Variants in PNPLA8 observed in about 807,000 individuals in gnomAD.
PNPLA8 encodes patatin like domain 8, phospholipase A2.
In PNPLA8, 39 loss-of-function variants were observed where a neutral mutation model predicts 76.9. The ratio of observed to expected loss-of-function variants is 0.51; its 90% confidence interval spans 0.39 to 0.66. PNPLA8 has a LOEUF of 0.66. Ranked by LOEUF, PNPLA8 falls within the 30% of genes least tolerant of loss-of-function variation. The pLI, the probability that PNPLA8 is intolerant of heterozygous loss-of-function variation, is 0.00. For synonymous variants in PNPLA8, 301 were observed against 307.9 expected, an observed-to-expected ratio of 0.98 and a Z score of 0.24; for missense variants, 887 against 918.0, an observed-to-expected ratio of 0.97 and a Z score of 0.44.
chr7:108,520,649 C>G (rs1352558020), intron 2 of PNPLA8, among the ~76,000 whole-genome samples: 1 of 151,728 alleles, frequency 6.6e-6, no homozygotes, highest in East Asian at 1.9e-4. Flanking sequence ...TTCTAAATAC[C>G]GATTTGATCA....
chr7:108,479,763 T>A (rs1860264626), intron 9 of PNPLA8, among the ~76,000 whole-genome samples: 1 of 152,174 alleles, frequency 6.6e-6, no homozygotes, highest in South Asian at 2.1e-4. Context: ...CTCTCACAAG[T>A]CAAATAAAAC....
At position 108,470,631 on chromosome 7, in the gene PNPLA8, T is replaced by C. The variant is rs1859578034; in HGVS notation, c.*1770A>G. The C allele has an allele frequency of 2.0e-5, 3 of 152,208 alleles. No homozygotes were observed. The highest frequency in any genetic ancestry group is 2.0e-4 in the Admixed American group (3 of 15,284). The allele number at this position is 152,208 out of a possible 1,614,324, so 9.4% of individuals were successfully genotyped here. A position where few individuals can be genotyped will look rare whatever the true frequency, so the allele number is the denominator to read the frequency against. On this transcript the variant is annotated 3_prime_UTR_variant, in exon 11 of 11. Coordinates refer to ENST00000257694, the MANE Select transcript of PNPLA8 (RefSeq NM_001256007.3). ...AAGAATTCCCAGAAATATTCTGATT[T>C]CCAATTATTTGTTTTTTTCTTGCAT...
Position 108,472,328 on chromosome 7 carries a change from C to T in PNPLA8, c.*73G>A. The T allele has an allele frequency of 1.9e-6, 2 of 1,074,722 alleles. No individual in the cohort carries two copies. Among genetic ancestry groups the T allele is most frequent in the Non-Finnish European group, 2.7e-6 (2 of 746,564 alleles). 66.6% of individuals were successfully genotyped at this position (1,074,722 alleles called of 1,614,324 possible). ...ATTTCAAAGTTAACTCATGTCGAACCCCACAATTCCTTATTGAATGTGGTT... is the reference window on the plus strand; with the variant it reads ...ATTTCAAAGTTAACTCATGTCGAACTCCACAATTCCTTATTGAATGTGGTT... On this transcript the variant is annotated 3_prime_UTR_variant, in exon 11 of 11. Coordinates refer to ENST00000257694, the MANE Select transcript of PNPLA8 (RefSeq NM_001256007.3).
intron 7 of PNPLA8, among the ~76,000 whole-genome samples, chr7:108,494,637 TG>T (rs1563952710): frequency 6.6e-6 from 1 of 152,216 alleles, no homozygotes; most frequent in African/African-American, 2.4e-5. Flanking sequence ...GTTGATTCCA[TG>T]TATCTGCCAT....
At position 108,515,131 on chromosome 7, in the gene PNPLA8, C is replaced by G; in HGVS notation, c.361G>C (p.Glu121Gln). ...AATTGAGCTAAACGTGAAATCATTT[C>G]ATTTTGATTGCCAAAAACAGCCTTT... is the stretch of plus-strand genomic sequence containing the variant. The part of the protein sequence containing the change: ...VSKAVFGNQN[E>Q]MISRLAQFKP... The change falls in exon 3 of 11, where the codon GAA becomes CAA. Residue 121 changes from glutamate (E) to glutamine (Q), a missense_variant. By Grantham distance (29) the Glu-to-Gln change is conservative. Coordinates refer to ENST00000257694, the MANE Select transcript of PNPLA8 (RefSeq NM_001256007.3). The G allele has an allele frequency of 1.2e-6, 2 of 1,605,978 alleles. No homozygotes were observed. Among genetic ancestry groups the G allele is most frequent in the Non-Finnish European group, 1.7e-6 (2 of 1,176,000 alleles).
chr7:108,500,844 G>A (rs1861884849), intron 5 of PNPLA8, among the ~76,000 whole-genome samples: 1 of 151,986 alleles, frequency 6.6e-6, no homozygotes, highest in South Asian at 2.1e-4. Context: ...AACCTGGGAG[G>A]TGGAGGTTGC....
At chr7:108,499,863 T>C (rs1442722569) in intron 5 of PNPLA8, among the ~76,000 whole-genome samples, 1 of 152,208 alleles carries the variant, frequency 6.6e-6, no homozygotes, top group Non-Finnish European at 1.5e-5. Flanking sequence ...TTCTTTTTCA[T>C]CATGCTTGTC....
Position 108,515,406 on chromosome 7 carries a change from A to T in PNPLA8, c.86T>A (p.Leu29Gln), listed in dbSNP as rs1319463208. 3.7e-6 allele frequency: 6 copies of T among 1,611,658 alleles called. No homozygotes were observed. The highest frequency in any genetic ancestry group is 1.7e-5 in the Admixed American group (1 of 59,508). ...SVCGKQRSKQ[L>Q]YFLFSPKHYW... ...ATGCTTAGGTGAGAACAAGAAATAC[A>T]GTTGCTTGCTTCTCTGCTTCCCACA... The change falls in exon 3 of 11, where the codon CTG (leucine) becomes CAG (glutamine). Residue 29 changes from leucine (L) to glutamine (Q), a missense_variant. Leu to Gln is a moderately radical substitution (Grantham distance 113). Coordinates refer to ENST00000257694, the MANE Select transcript of PNPLA8 (RefSeq NM_001256007.3).
intron 4 of PNPLA8, among the ~76,000 whole-genome samples, chr7:108,511,302 C>T (rs1361335531): frequency 6.6e-6 from 1 of 152,156 alleles, no homozygotes; most frequent in Non-Finnish European, 1.5e-5. Context: ...ATGCTTCTAG[C>T]ACAATTGTCC....
At chr7:108,497,794 G>C (rs982707036) in intron 5 of PNPLA8, among the ~76,000 whole-genome samples, 1 of 151,792 alleles carries the variant, frequency 6.6e-6, no homozygotes, top group African/African-American at 2.4e-5. Flanking sequence ...CACTAAGGCA[G>C]CACATTTTAA....
At chr7:108,510,354 T>C (rs1439952083) in intron 4 of PNPLA8, 3 of 1,574,996 alleles carry the variant, frequency 1.9e-6, no homozygotes, top group Non-Finnish European at 2.6e-6. Context: ...CAAAAGATGC[T>C]TCGAAAGGCA....
At chr7:108,483,527 T>A (rs889873998) in intron 9 of PNPLA8, among the ~76,000 whole-genome samples, 3 of 152,256 alleles carry the variant, frequency 2.0e-5, no homozygotes, top group Non-Finnish European at 4.4e-5. Flanking sequence ...TGGGTCTGGT[T>A]TCTTTTACTT....
intron 4 of PNPLA8, among the ~76,000 whole-genome samples, chr7:108,509,920 C>T (rs1322180155): frequency 3.5e-5 from 5 of 144,160 alleles, no homozygotes; most frequent in African/African-American, 7.9e-5. Context: ...AGTAAACTAT[C>T]GCAAGAACAA....
Position 108,514,711 on chromosome 7 carries a change from C to G in PNPLA8, c.781G>C (p.Glu261Gln). ...PGILAYKPGS[E>Q]SVHTVDKPTS... The stretch of plus-strand genomic sequence containing the variant: ...GGCTTGTCCACCGTATGTACAGATT[C>G]TGAGCCTGGCTTATAAGCCAGGATG... The change falls in exon 3 of 11, where the codon GAA becomes CAA. Residue 261 changes from glutamate (E) to glutamine (Q), a missense_variant. Glu to Gln is a conservative substitution (Grantham distance 29). Transcript: ENST00000257694. 1 of 1,613,998 alleles carries G rather than the reference C, an allele frequency of 6.2e-7. No homozygotes were observed. The highest frequency in any genetic ancestry group is 8.5e-7 in the Non-Finnish European group (1 of 1,179,906).
intron 6 of PNPLA8, 53 bp from the exon 7 acceptor site, chr7:108,496,808 T>G (rs1257241808): frequency 1.6e-6 from 2 of 1,240,492 alleles, no homozygotes; most frequent in African/African-American, 5.0e-5. Context: ...GCCCTTATGA[T>G]GTAAGATTTC....
In PNPLA8 at chr7:108,526,111, C is replaced by A. The variant is rs909265529; in HGVS notation, c.-212G>T. On this transcript the variant is annotated 5_prime_UTR_variant, in exon 1 of 11. Coordinates refer to ENST00000257694, the MANE Select transcript of PNPLA8 (RefSeq NM_001256007.3). ...GACGTCCACTCCAACCGGCCTGCAT[C>A]AGCTGAGCTTCCAACACAAACACTG... 3 of 985,490 alleles carry A rather than the reference C, an allele frequency of 3.0e-6. No individual in the cohort carries two copies. In the African/African-American group the frequency reaches 5.2e-5, roughly 17 times the overall value. The allele number at this position is 985,490 out of a possible 1,614,324, so 61.0% of individuals were successfully genotyped here.
At position 108,480,769 on chromosome 7, in the gene PNPLA8, C is replaced by CT. The variant is rs1491265204; in HGVS notation, c.1879-1391dup. ...TTTTCAGATTATACAGTAAAATTAA[C>CT]TTTTTTGGTATGCAGCTCTATGAAC... On this transcript the variant is annotated intron_variant, in intron 9 of 10. Transcript: ENST00000257694. The CT allele has an allele frequency of 1.3e-5, 5 of 388,878 alleles. No individual in the cohort carries two copies. The East Asian group carries it at 2.3e-4, about 18-fold the overall frequency. The allele number at this position is 388,878 out of a possible 1,614,324, so 24.1% of individuals were successfully genotyped here.
In PNPLA8 at chr7:108,514,870, A is replaced by G. The variant is rs776012163; in HGVS notation, c.622T>C (p.Ser208Pro). The change falls in exon 3 of 11, where the codon TCA becomes CCA. Residue 208 changes from serine (S) to proline (P), a missense_variant. By Grantham distance (74) the Ser-to-Pro change is moderately conservative. Coordinates refer to ENST00000257694, the MANE Select transcript of PNPLA8 (RefSeq NM_001256007.3). ...TTGAAATATGAATTAATATGATTTG[A>G]TAAAAAGTAGAATGAGTCTCCAAAT... is the stretch of plus-strand genomic sequence containing the variant. ...TKFGDSFYFL[S>P]NHINSYFKRK... The G allele has an allele frequency of 2.9e-5, 47 of 1,609,656 alleles. No homozygotes were observed. Among genetic ancestry groups the G allele is most frequent in the Non-Finnish European group, 3.8e-5 (45 of 1,177,188 alleles).
chr7:108,494,828 A>C (rs1861442925), intron 7 of PNPLA8, among the ~76,000 whole-genome samples: 1 of 152,242 alleles, frequency 6.6e-6, no homozygotes, highest in Non-Finnish European at 1.5e-5. Context: ...TACATTAAAA[A>C]ATTATTAGCA....
Sources: gnomAD v4.1 joint callset for allele counts (sites outside exome capture counted in the v4.1 genomes callset) on GRCh38, gnomAD v4.1.1 for gene constraint, MANE v1.5 for transcripts, NCBI Gene and HGNC (gene_info 2026-07-23, HGNC 2026-07-21) for gene names.